The following MYO6 variants were observed in gnomAD, a reference collection of about 807,000 sequenced individuals.
MYO6 encodes unconventional myosin-VI.
MYO6 carries 74 observed loss-of-function variants against 178.7 expected under a neutral mutation model. The observed-to-expected ratio is 0.41, with a 90% confidence interval of 0.34 to 0.50. MYO6 has a LOEUF of 0.50. Among genes scored for constraint, MYO6 ranks in the 20% least tolerant of loss-of-function variants. The pLI, the probability that MYO6 is intolerant of heterozygous loss-of-function variation, is 0.09. For synonymous variants in MYO6, 477 were observed against 504.6 expected, an observed-to-expected ratio of 0.95 and a Z score of 0.73; for missense variants, 1,330 against 1,547.4, an observed-to-expected ratio of 0.86 and a Z score of 2.36.
chr6:75,890,653 T>G (rs1227704886), intron 26 of MYO6, among the ~76,000 whole-genome samples: 1 of 152,182 alleles, frequency 6.6e-6, no homozygotes, highest in East Asian at 1.9e-4. Flanking sequence ...TTGACAATTC[T>G]TAAAACTGTG....
intron 2 of MYO6, among the ~76,000 whole-genome samples, chr6:75,821,393 G>A (rs1771854486): frequency 6.6e-6 from 1 of 152,092 alleles, no homozygotes; most frequent in Non-Finnish European, 1.5e-5. Flanking sequence ...ATTATAAATT[G>A]TGGCTTGTTT....
chr6:75,850,468 C>T (rs1006824610), intron 11 of MYO6, among the ~76,000 whole-genome samples: 3 of 152,186 alleles, frequency 2.0e-5, no homozygotes, highest in African/African-American at 7.2e-5. Flanking sequence ...TGGTTCTGCT[C>T]ATGTCTGACT....
chr6:75,807,618 A>T (rs576007679), intron 1 of MYO6, among the ~76,000 whole-genome samples: 1 of 152,224 alleles, frequency 6.6e-6, no homozygotes, highest in Admixed American at 6.5e-5. Context: ...CACACAAGAA[A>T]GAATTTCAGA....
chr6:75,749,939 G>A (rs2149935769), intron 1 of MYO6, among the ~76,000 whole-genome samples: 1 of 152,194 alleles, frequency 6.6e-6, no homozygotes, highest in Non-Finnish European at 1.5e-5. Flanking sequence ...ATATGCTACT[G>A]AACAAGAACT....
At chr6:75,845,543 A>T (rs558619921) in intron 10 of MYO6, among the ~76,000 whole-genome samples, 1 of 152,082 alleles carries the variant, frequency 6.6e-6, no homozygotes, top group East Asian at 1.9e-4. Flanking sequence ...AAATAAAAAA[A>T]ATTCACTGGG....
intron 1 of MYO6, among the ~76,000 whole-genome samples, chr6:75,779,896 C>T (rs1465042056): frequency 6.6e-6 from 1 of 152,102 alleles, no homozygotes; most frequent in East Asian, 1.9e-4. Context: ...TTCAAGTTTC[C>T]TTTTTCTTCT....
chr6:75,830,800 G>T (rs1049991769), intron 5 of MYO6, among the ~76,000 whole-genome samples: 1 of 152,172 alleles, frequency 6.6e-6, no homozygotes, highest in African/African-American at 2.4e-5. Context: ...TCCTCTAAGA[G>T]ATGTCTGCCC....
intron 27 of MYO6, among the ~76,000 whole-genome samples, chr6:75,891,820 C>T (rs1778925340): frequency 1.3e-5 from 2 of 152,082 alleles, no homozygotes; most frequent in Non-Finnish European, 2.9e-5. Flanking sequence ...CAGTCACTGA[C>T]AGAAATTGTG....
intron 31 of MYO6, 35 bp downstream of exon 31, chr6:75,907,743 T>A (rs759298370): frequency 2.0e-6 from 3 of 1,520,908 alleles, no homozygotes; most frequent in East Asian, 2.3e-5. Context: ...ATAGAAAATG[T>A]TCATAGTGAT....
In MYO6 at chr6:75,915,046, T is replaced by G. The variant is rs1562323292; in HGVS notation, c.*34T>G. ...CACCAGCCTTACAGCTGGGAGCCTT[T>G]GCCATGGTACTTAGGTAGGGTGTGT... On this transcript the variant is annotated 3_prime_UTR_variant, in exon 35 of 35. Coordinates refer to ENST00000369977, the MANE Select transcript of MYO6 (RefSeq NM_004999.4). 7 of 1,588,250 alleles carry G rather than the reference T, an allele frequency of 4.4e-6. No homozygotes were observed. Among genetic ancestry groups the G allele is most frequent in the Non-Finnish European group, 6.0e-6 (7 of 1,165,758 alleles).
At chr6:75,794,767 G>A (rs934574114) in intron 1 of MYO6, among the ~76,000 whole-genome samples, 7 of 150,300 alleles carry the variant, frequency 4.7e-5, no homozygotes, top group African/African-American at 1.2e-4. Context: ...AAAATAAAAT[G>A]TGCTCTTTTA....
chr6:75,779,108 A>T lies in MYO6; in HGVS notation c.-48+29685A>T, dbSNP rs1311376637. 2.7e-5 allele frequency among the ~76,000 whole-genome samples: 4 copies of T among 149,352 alleles called. No homozygotes were observed. In the East Asian group the frequency reaches 7.9e-4, roughly 30 times the overall value. ...GAGATAGGGTTTGGCTACATTGTTC[A>T]GTCTGGTCTCCAGCTCATGACCTCA... On this transcript the variant is annotated intron_variant, in intron 1 of 34. Coordinates refer to ENST00000369977, the MANE Select transcript of MYO6 (RefSeq NM_004999.4).
At chr6:75,752,775 A>G (rs924964633) in intron 1 of MYO6, among the ~76,000 whole-genome samples, 1 of 152,186 alleles carries the variant, frequency 6.6e-6, no homozygotes, top group Non-Finnish European at 1.5e-5. Flanking sequence ...CATTTCTCGT[A>G]TAGTTCTAGG....
At chr6:75,902,526 G>A (rs1305984548) in intron 30 of MYO6, among the ~76,000 whole-genome samples, 4 of 152,160 alleles carry the variant, frequency 2.6e-5, no homozygotes, top group South Asian at 4.1e-4. Flanking sequence ...GTTGTTTGTA[G>A]TATTCTCTGA....
Position 75,914,297 on chromosome 6 carries a change from A to T in MYO6, c.3658+16A>T, listed in dbSNP as rs748479269. On this transcript the variant is annotated intron_variant, in intron 34 of 34. Transcript: ENST00000369977. ...CTTGTGGCTGGTGTGTATGATTCAC[A>T]TGGAAAACAAATTATAGAACAAAAA... 2.5e-6 allele frequency: 4 copies of T among 1,609,730 alleles called. No individual in the cohort carries two copies. Among genetic ancestry groups the T allele is most frequent in the Non-Finnish European group, 3.4e-6 (4 of 1,176,002 alleles).
chr6:75,795,305 A>G (rs1286599900), intron 1 of MYO6, among the ~76,000 whole-genome samples: 2 of 152,204 alleles, frequency 1.3e-5, no homozygotes, highest in African/African-American at 4.8e-5. Flanking sequence ...AAAAAAAACC[A>G]AAAGTTTGCT....
At chr6:75,833,789 A>G (rs781149616) in intron 6 of MYO6, among the ~76,000 whole-genome samples, 19 of 152,320 alleles carry the variant, frequency 1.2e-4, no homozygotes, top group East Asian at 9.6e-4. Context: ...GCTATTGTCA[A>G]TAGTGCTGTT....
At chr6:75,796,798 C>T (rs752811062) in intron 1 of MYO6, among the ~76,000 whole-genome samples, 1 of 151,984 alleles carries the variant, frequency 6.6e-6, no homozygotes, top group Non-Finnish European at 1.5e-5. Context: ...CATGTGTACT[C>T]AGTGTTTAGT....
At chr6:75,887,772 G>T (rs1778571798) in intron 25 of MYO6, among the ~76,000 whole-genome samples, 1 of 150,808 alleles carries the variant, frequency 6.6e-6, no homozygotes, top group Non-Finnish European at 1.5e-5. Flanking sequence ...AGGAGATTGA[G>T]ACCATCCTGG....
Sources: allele counts gnomAD v4.1 joint callset (sites outside exome capture counted in the v4.1 genomes callset), GRCh38; gene constraint gnomAD v4.1.1; transcripts MANE v1.5; gene names NCBI Gene and HGNC (gene_info 2026-07-23, HGNC 2026-07-21).